Variants in MAGI2 observed in about 807,000 individuals in gnomAD.
The protein encoded by MAGI2 is membrane associated guanylate kinase, WW and PDZ domain containing 2, also known as membrane-associated guanylate kinase, WW and PDZ domain-containing protein 2.
Under a neutral mutation model 133.3 loss-of-function variants are expected in MAGI2, and 35 were observed. The observed-to-expected ratio is 0.26, with a 90% CI of 0.20 to 0.35. MAGI2 has a LOEUF of 0.35. MAGI2 is among the 10% of genes least tolerant of loss of function. The probability of loss-of-function intolerance (pLI) is 1.00; values close to 1 mark genes in which losing one functional copy is unlikely to be tolerated. For missense variants in MAGI2, 1,636 were observed against 1,863.4 expected (o/e 0.88, Z 2.25); for synonymous variants, 729 against 710.6 (o/e 1.03, Z -0.41).
chr7:78,565,719 G>A (rs1035181731), intron 3 of MAGI2, among the ~76,000 whole-genome samples: 1 of 152,010 alleles, frequency 6.6e-6, no homozygotes, highest in African/African-American at 2.4e-5. Context: ...CTCATGGCAC[G>A]ACTAATATAC....
intron 2 of MAGI2, among the ~76,000 whole-genome samples, chr7:78,683,224 T>A (rs113940785): frequency 6.6e-6 from 1 of 152,142 alleles, no homozygotes; most frequent in African/African-American, 2.4e-5. Context: ...TCTTATCCAT[T>A]GTAAGGGCAA....
intron 16 of MAGI2, among the ~76,000 whole-genome samples, chr7:78,139,864 T>G (rs1452416216): frequency 6.6e-6 from 1 of 152,232 alleles, no homozygotes; most frequent in African/African-American, 2.4e-5. Flanking sequence ...TAAAACAATA[T>G]TGTCTACTTA....
chr7:79,277,561 T>C (rs1563071419), intron 1 of MAGI2, among the ~76,000 whole-genome samples: 1 of 152,096 alleles, frequency 6.6e-6, no homozygotes. Flanking sequence ...CAGAGCTACA[T>C]GCTATAATGA....
chr7:78,219,448 T>A lies in MAGI2; in HGVS notation c.2048-18255A>T, dbSNP rs1788588650. Reference sequence around the variant, plus strand: ...ATCTGCTACACCTGCTTCCTCCATCTGCACCCACTTTTCTCTTCTCACTGA... The same window carrying A: ...ATCTGCTACACCTGCTTCCTCCATCAGCACCCACTTTTCTCTTCTCACTGA... On this transcript the variant is annotated intron_variant, in intron 10 of 21. Coordinates refer to ENST00000354212, the MANE Select transcript of MAGI2 (RefSeq NM_012301.4). Among the ~76,000 whole-genome samples the A allele has an allele frequency of 2.6e-5, 4 of 152,214 alleles. 1 individual carries two copies. In the South Asian group the frequency reaches 8.3e-4, roughly 32 times the overall value.
intron 1 of MAGI2, among the ~76,000 whole-genome samples, chr7:79,352,615 T>TGA (rs1841765968): frequency 6.6e-6 from 1 of 152,226 alleles, no homozygotes; most frequent in African/African-American, 2.4e-5. Flanking sequence ...GTGCTATTAT[T>TGA]ACTGGAGGAC....
At chr7:78,994,962 T>C (rs897332167) in intron 2 of MAGI2, among the ~76,000 whole-genome samples, 3 of 152,106 alleles carry the variant, frequency 2.0e-5, no homozygotes, top group African/African-American at 7.2e-5. Context: ...GTTAGAATTT[T>C]AGATTTAGAT....
intron 1 of MAGI2, among the ~76,000 whole-genome samples, chr7:79,141,382 G>A (rs1822118509): frequency 6.6e-6 from 1 of 152,060 alleles, no homozygotes; most frequent in South Asian, 2.1e-4. Flanking sequence ...CCTTTCAAAT[G>A]TCTGTATCAT....
chr7:78,398,478 A>T (rs1796562784), intron 6 of MAGI2, among the ~76,000 whole-genome samples: 1 of 152,136 alleles, frequency 6.6e-6, no homozygotes, highest in Non-Finnish European at 1.5e-5. Context: ...TGTTCCCCTC[A>T]GCTTGACTAA....
intron 3 of MAGI2, among the ~76,000 whole-genome samples, chr7:78,595,267 T>C (rs1804475138): frequency 6.6e-6 from 1 of 152,118 alleles, no homozygotes. Flanking sequence ...TAAAAACAAA[T>C]TATCTGAATA....
At chr7:79,344,272 C>A (rs377717721) in intron 1 of MAGI2, among the ~76,000 whole-genome samples, 1 of 151,788 alleles carries the variant, frequency 6.6e-6, no homozygotes, top group Admixed American at 6.6e-5. Flanking sequence ...CATCTGAAGA[C>A]CAGTATTACA....
intron 1 of MAGI2, among the ~76,000 whole-genome samples, chr7:79,287,987 A>C (rs1836152325): frequency 6.6e-6 from 1 of 152,186 alleles, no homozygotes; most frequent in South Asian, 2.1e-4. Flanking sequence ...AATCATCTTT[A>C]ATTCCACTAC....
At chr7:79,165,982 A>G (rs563195854) in intron 1 of MAGI2, among the ~76,000 whole-genome samples, 1 of 152,238 alleles carries the variant, frequency 6.6e-6, no homozygotes, top group South Asian at 2.1e-4. Flanking sequence ...TTGCTTGATT[A>G]TTAGAACAGA....
intron 21 of MAGI2, among the ~76,000 whole-genome samples, chr7:78,028,238 C>A (rs181203602): frequency 4.6e-5 from 7 of 152,262 alleles, no homozygotes; most frequent in Non-Finnish European, 8.8e-5. Flanking sequence ...TCGTTAATGG[C>A]CTTCAAACAT....
intron 2 of MAGI2, among the ~76,000 whole-genome samples, chr7:78,691,795 T>G (rs1816981698): frequency 6.6e-6 from 1 of 152,092 alleles, no homozygotes. Flanking sequence ...TTTAGGGAAG[T>G]GAAACTACCC....
At chr7:78,032,600 C>T (rs989912594) in intron 21 of MAGI2, among the ~76,000 whole-genome samples, 1 of 152,140 alleles carries the variant, frequency 6.6e-6, no homozygotes, top group Non-Finnish European at 1.5e-5. Context: ...ATATTTCTGT[C>T]TCCATGGACC....
chr7:78,817,902 G>T (rs1029010377), intron 2 of MAGI2, among the ~76,000 whole-genome samples: 1 of 151,854 alleles, frequency 6.6e-6, no homozygotes, highest in East Asian at 1.9e-4. Flanking sequence ...GTAGAGACGG[G>T]GTCTCACCAC....
At chr7:78,199,143 A>G (rs1365364314) in intron 11 of MAGI2, among the ~76,000 whole-genome samples, 1 of 152,120 alleles carries the variant, frequency 6.6e-6, no homozygotes. Context: ...ATTTCTCAAC[A>G]AGCTTCTTAT....
intron 2 of MAGI2, among the ~76,000 whole-genome samples, chr7:78,725,220 G>C (rs1820654302): frequency 6.6e-6 from 1 of 152,162 alleles, no homozygotes; most frequent in Admixed American, 6.5e-5. Flanking sequence ...TAGGGCCCAA[G>C]TTACTAAGTT....
chr7:78,640,131 G>A (rs1221940475), intron 2 of MAGI2, among the ~76,000 whole-genome samples: 1 of 152,110 alleles, frequency 6.6e-6, no homozygotes, highest in African/African-American at 2.4e-5. Context: ...GAACACTGTG[G>A]TTTTAATCTC....
Sources: allele counts gnomAD v4.1 joint callset (sites outside exome capture counted in the v4.1 genomes callset), GRCh38; gene constraint gnomAD v4.1.1; transcripts MANE v1.5; gene names NCBI Gene and HGNC (gene_info 2026-07-23, HGNC 2026-07-21).